Variants in DIS3L2 observed in about 807,000 individuals in gnomAD.
DIS3L2 encodes DIS3 like 3'-5' exoribonuclease 2, also known as DIS3-like exonuclease 2.
Under a neutral mutation model 97.5 loss-of-function variants are expected in DIS3L2, and 34 were observed. The observed-to-expected ratio is 0.35, with a 90% CI of 0.27 to 0.46. The LOEUF is 0.46. Among genes scored for constraint, DIS3L2 ranks in the 20% least tolerant of loss-of-function variants. The probability of loss-of-function intolerance (pLI) is 1.00; values close to 1 mark genes in which losing one functional copy is unlikely to be tolerated. For missense variants in DIS3L2, 1,038 were observed against 1,146.0 expected, an observed-to-expected ratio of 0.91 and a Z score of 1.36; for synonymous variants, 435 against 445.2, an observed-to-expected ratio of 0.98 and a Z score of 0.29.
intron 10 of DIS3L2, among the ~76,000 whole-genome samples, chr2:232,235,583 T>C (rs1015538278): frequency 6.6e-6 from 1 of 152,210 alleles, no homozygotes; most frequent in Non-Finnish European, 1.5e-5. Flanking sequence ...ATGAACTCTT[T>C]GTCAGTTTGT....
At chr2:231,971,714 G>T (rs893260608) in intron 1 of DIS3L2, among the ~76,000 whole-genome samples, 26 of 151,882 alleles carry the variant, frequency 1.7e-4, no homozygotes, top group African/African-American at 5.8e-4. Context: ...CCAAAGTGCT[G>T]GGATTACAGG....
At chr2:232,246,488 C>T (rs1693251864) in intron 11 of DIS3L2, among the ~76,000 whole-genome samples, 1 of 152,192 alleles carries the variant, frequency 6.6e-6, no homozygotes, top group Non-Finnish European at 1.5e-5. Context: ...TGACAGTGCA[C>T]CTTGGATACC....
In DIS3L2 at chr2:232,015,375, A is replaced by G. The variant is rs1414695284; in HGVS notation, c.53-139A>G. Reference sequence around the variant, plus strand: ...TCTTAGCCACTCTTTCCTTTTTGTTATTGTTAAAAATCACCATCAGGGAGT... The same window carrying G: ...TCTTAGCCACTCTTTCCTTTTTGTTGTTGTTAAAAATCACCATCAGGGAGT... On this transcript the variant is annotated intron_variant, in intron 2 of 20. Transcript: ENST00000325385. 4.3e-6 allele frequency: 5 copies of G among 1,150,454 alleles called. No individual in the cohort carries two copies. In the African/African-American group the frequency reaches 4.7e-5, roughly 11 times the overall value. The allele number at this position is 1,150,454 out of a possible 1,614,324, so 71.3% of individuals were successfully genotyped here.
chr2:232,189,404 A>C (rs2106193946), intron 9 of DIS3L2, among the ~76,000 whole-genome samples: 1 of 152,366 alleles, frequency 6.6e-6, no homozygotes. Context: ...CAAAAGAGTG[A>C]ACTGTTGATA....
intron 6 of DIS3L2, among the ~76,000 whole-genome samples, chr2:232,092,624 T>A (rs191972097): frequency 6.6e-6 from 1 of 152,296 alleles, no homozygotes; most frequent in Non-Finnish European, 1.5e-5. Flanking sequence ...ACTTCTTTGG[T>A]TAATTCTGAG....
In DIS3L2 at chr2:232,249,329, C is replaced by G. The variant is rs1226156033; in HGVS notation, c.1408C>G (p.Leu470Val). Residue 470 changes from leucine to valine, a missense_variant, in exon 12 of 21, where the codon CTG becomes GTG. Around this residue, in one of 3 missense-constraint regions of DIS3L2, gnomAD observed 813 missense variants for 880.1 expected, o/e 0.92. Transcript: ENST00000325385. Reference protein sequence around the residue: ...DKLTFSVIWTLTPEGKILDEW... With the variant: ...DKLTFSVIWTVTPEGKILDEW... Reference sequence around the variant, plus strand: ...GCTGACCTTCTCTGTGATCTGGACACTGACTCCAGAGGGCAAGGTAACAAC... The same window carrying G: ...GCTGACCTTCTCTGTGATCTGGACAGTGACTCCAGAGGGCAAGGTAACAAC... 1 of 1,614,128 alleles carries G rather than the reference C, an allele frequency of 6.2e-7. No homozygotes were observed. The highest frequency in any genetic ancestry group is 8.5e-7 in the Non-Finnish European group (1 of 1,180,044).
intron 12 of DIS3L2, among the ~76,000 whole-genome samples, chr2:232,256,469 T>C (rs530122326): frequency 1.3e-5 from 2 of 152,370 alleles, no homozygotes; most frequent in East Asian, 1.9e-4. Context: ...TTCTGAGAAT[T>C]GGACATTGTA....
At position 232,086,026 on chromosome 2, in the gene DIS3L2, C is replaced by T. The variant is rs560401116; in HGVS notation, c.367-1461C>T. ...CAAGGTCTCAATATGTTGCCCAGGC[C>T]GGTCTTAAACTCCTCCTGCCTTGGC... On this transcript the variant is annotated intron_variant, in intron 5 of 20. Transcript: ENST00000325385. 5.9e-5 allele frequency among the ~76,000 whole-genome samples: 9 copies of T among 151,948 alleles called. No individual in the cohort carries two copies. The South Asian group carries it at 8.3e-4, about 14-fold the overall frequency.
chr2:232,333,176 G>GCCGCCTCCTCCTCCT (rs1695806357), intron 16 of DIS3L2, among the ~76,000 whole-genome samples: 1 of 26,188 alleles, frequency 3.8e-5, no homozygotes, highest in African/African-American at 1.4e-4. Flanking sequence ...CTCCGCTGTC[G>GCCGCCTCCTCCTCCT]CCTCCTCCTC....
At chr2:232,217,926 A>G (rs374373239) in intron 10 of DIS3L2, among the ~76,000 whole-genome samples, 5 of 152,244 alleles carry the variant, frequency 3.3e-5, no homozygotes, top group African/African-American at 1.2e-4. Context: ...GATCTCAGTG[A>G]CAGACTGAAT....
At chr2:232,263,172 C>T in intron 12 of DIS3L2, 35 bp from the exon 13 acceptor site, 2 of 1,602,248 alleles carry the variant, frequency 1.2e-6, no homozygotes, top group East Asian at 2.2e-5. Flanking sequence ...AACATTTGTC[C>T]TCACAATTCC....
At chr2:232,157,362 A>G (rs527768255) in intron 8 of DIS3L2, among the ~76,000 whole-genome samples, 23 of 152,246 alleles carry the variant, frequency 1.5e-4, no homozygotes, top group South Asian at 8.3e-4. Flanking sequence ...CAGAGCACCA[A>G]TGCATCCTGG....
intron 6 of DIS3L2, among the ~76,000 whole-genome samples, chr2:232,123,457 T>C (rs1697966205): frequency 6.6e-6 from 1 of 152,124 alleles, no homozygotes; most frequent in Non-Finnish European, 1.5e-5. Context: ...ATTATTGTAA[T>C]GGCTTCCTTA....
At chr2:232,073,637 ATGTT>A (rs1197542947) in intron 5 of DIS3L2, among the ~76,000 whole-genome samples, 3 of 152,132 alleles carry the variant, frequency 2.0e-5, no homozygotes, top group Non-Finnish European at 4.4e-5. Context: ...AAGCTATGAA[ATGTT>A]TCATGCTTGG....
intron 1 of DIS3L2, among the ~76,000 whole-genome samples, chr2:232,010,202 G>A (rs966669425): frequency 1.3e-5 from 2 of 152,108 alleles, no homozygotes; most frequent in African/African-American, 2.4e-5. Flanking sequence ...CAGTTTTATT[G>A]TTGCTTTAGG....
At chr2:232,064,745 C>T (rs1211104626) in intron 5 of DIS3L2, among the ~76,000 whole-genome samples, 1 of 152,012 alleles carries the variant, frequency 6.6e-6, no homozygotes, top group Non-Finnish European at 1.5e-5. Context: ...AGTGTTATCT[C>T]CTTTGTTATT....
At chr2:232,207,317 C>G (rs1692054090) in intron 9 of DIS3L2, among the ~76,000 whole-genome samples, 4 of 152,166 alleles carry the variant, frequency 2.6e-5, no homozygotes, top group Admixed American at 2.6e-4. Context: ...TCAAGATCCT[C>G]ATCAATTACA....
At chr2:232,086,634 T>TATATATGTGTATATATATATATACAC (rs1559613405) in intron 5 of DIS3L2, among the ~76,000 whole-genome samples, 3,118 of 63,508 alleles carry the variant, frequency 0.049, 232 homozygotes, top group African/African-American at 0.15. Context: ...TATATACACA[T>TATATATGTGTATATATATATATACAC]ATATATATAT....
At chr2:232,334,058 C>A in intron 17 of DIS3L2, 71 bp downstream of exon 17, 1 of 1,541,206 alleles carries the variant, frequency 6.5e-7, no homozygotes, top group South Asian at 1.3e-5. Context: ...AGTGGGTGCT[C>A]AGTGGCCCAA....
Sources: allele counts gnomAD v4.1 joint callset (sites outside exome capture counted in the v4.1 genomes callset), GRCh38; gene constraint gnomAD v4.1.1; regional missense constraint gnomAD v4.1.1; transcripts MANE v1.5; gene names NCBI Gene and HGNC (gene_info 2026-07-23, HGNC 2026-07-21).